Variants in BARX1 observed in about 807,000 individuals in gnomAD.
The protein encoded by BARX1 is BARX homeobox 1, also known as homeobox protein BarH-like 1.
Under a neutral mutation model 19.6 loss-of-function variants are expected in BARX1, and 10 were observed. That is an observed-to-expected ratio of 0.51 (90% CI 0.31 to 0.86). The LOEUF (loss-of-function observed/expected upper bound fraction) is 0.86, where lower values mean the gene tolerates loss of function less well. Among genes scored for constraint, BARX1 ranks in the 40% least tolerant of loss-of-function variants. The probability of loss-of-function intolerance (pLI) is 0.04; values close to 1 mark genes in which losing one functional copy is unlikely to be tolerated. For synonymous variants in BARX1, 177 were observed against 170.0 expected (o/e 1.04, Z -0.32); for missense variants, 309 against 360.4 (o/e 0.86, Z 1.15).
chr9:93,952,078 C>G lies in BARX1; in HGVS notation c.*86G>C. The G allele has an allele frequency of 6.7e-7, 1 of 1,487,516 alleles. No individual in the cohort carries two copies. The highest frequency in any genetic ancestry group is 9.0e-7 in the Non-Finnish European group (1 of 1,110,918). 92.1% of individuals were successfully genotyped at this position (1,487,516 alleles called of 1,614,324 possible). On this transcript the variant is annotated 3_prime_UTR_variant, in exon 4 of 4. Coordinates refer to ENST00000253968, the MANE Select transcript of BARX1 (RefSeq NM_021570.4). ...AGGCTTAGGAAGTAAACTTCTTGGA[C>G]GCGGAAGGGCCGGCTCGCGGGTTTC...
Position 93,954,911 on chromosome 9 carries a change from CCG to C in BARX1, c.223+11_223+12del. 1 of 1,305,920 alleles carries C rather than the reference CCG, an allele frequency of 7.7e-7. No homozygotes were observed. The allele number at this position is 1,305,920 out of a possible 1,614,324, so 80.9% of individuals were successfully genotyped here. ...CCAAGCCCGGCCCGCGACCCCGCGG[CCG>C]CCACACGTACCCAGGTGGCTGTGGA... is the stretch of plus-strand genomic sequence containing the variant. On this transcript the variant is annotated intron_variant, in intron 1 of 3. Coordinates refer to ENST00000253968, the MANE Select transcript of BARX1 (RefSeq NM_021570.4).
rs531602020 is a variant in BARX1, at chr9:93,953,092, C to A, written c.319G>T (p.Gly107Trp). The change falls in exon 2 of 4, where the codon GGG becomes TGG. Residue 107 changes from glycine to tryptophan, a missense_variant. Gly to Trp is a radical substitution (Grantham distance 184, BLOSUM62 -2). Coordinates refer to ENST00000253968, the MANE Select transcript of BARX1 (RefSeq NM_021570.4). ...GGCGCACCCGCGGCGCCGGGCAGCCCGGGCCCTGCCGCCAGCAACGCAGAG... is the reference window on the plus strand; with the variant it reads ...GGCGCACCCGCGGCGCCGGGCAGCCAGGGCCCTGCCGCCAGCAACGCAGAG... ...LSSALLAAGP[G>W]LPGAAGAPHL... 440 of 1,555,150 alleles carry A rather than the reference C, an allele frequency of 2.8e-4. 5 individuals are homozygous for A. In the South Asian group the frequency reaches 4.4e-3, roughly 16 times the overall value.
At chr9:93,953,328 GC>G (rs1477795200) in intron 1 of BARX1, 141 bp from the exon 2 acceptor site, 11 of 1,001,936 alleles carry the variant, frequency 1.1e-5, no homozygotes, top group Middle Eastern at 3.2e-4. Context: ...GCCGGTCGGC[GC>G]CGGTGGCGCA....
In BARX1 at chr9:93,952,865, G is replaced by A. The variant is rs1455625292; in HGVS notation, c.515+31C>T. On this transcript the variant is annotated intron_variant, in intron 2 of 3. Coordinates refer to ENST00000253968, the MANE Select transcript of BARX1 (RefSeq NM_021570.4). ...CAAGGCAAGTGACCACACTCCCACA[G>A]CCCGCTGGCCCCAGCCTTGTACCGC... The A allele has an allele frequency of 3.1e-6, 5 of 1,612,448 alleles. No individual in the cohort carries two copies. The South Asian group carries it at 4.4e-5, about 14-fold the overall frequency.
In BARX1 at chr9:93,954,847, G is replaced by A. The variant is rs1804454221; in HGVS notation, c.223+77C>T. 3.7e-6 allele frequency: 4 copies of A among 1,068,358 alleles called. No individual in the cohort carries two copies. In the African/African-American group the frequency reaches 6.7e-5, roughly 18 times the overall value. The allele number at this position is 1,068,358 out of a possible 1,614,324, so 66.2% of individuals were successfully genotyped here. On this transcript the variant is annotated intron_variant, in intron 1 of 3. Coordinates refer to ENST00000253968, the MANE Select transcript of BARX1 (RefSeq NM_021570.4). Reference sequence around the variant, plus strand: ...CCGGGGCTGCTTCGATGCCGGAGGAGGCTCGGGGCGCCCCCGCGGTTCAGC... The same window carrying A: ...CCGGGGCTGCTTCGATGCCGGAGGAAGCTCGGGGCGCCCCCGCGGTTCAGC...
intron 1 of BARX1, chr9:93,953,434 C>T (rs1294441369): frequency 4.2e-6 from 2 of 470,740 alleles, no homozygotes; most frequent in Non-Finnish European, 7.4e-6. Context: ...CCCCAGGCCT[C>T]AGCTGCCTCT....
chr9:93,954,596 C>T (rs1349568787), intron 1 of BARX1, among the ~76,000 whole-genome samples: 1 of 152,246 alleles, frequency 6.6e-6, no homozygotes, highest in African/African-American at 2.4e-5. Flanking sequence ...GTCGCTTCCA[C>T]CCACGAGAGT....
In BARX1 at chr9:93,951,872, C is replaced by A; in HGVS notation, c.*292G>T. 2.6e-6 allele frequency: 1 copy of A among 391,716 alleles called. No homozygotes were observed. Among genetic ancestry groups the A allele is most frequent in the Non-Finnish European group, 4.7e-6 (1 of 214,796 alleles). The allele number at this position is 391,716 out of a possible 1,614,324, so 24.3% of individuals were successfully genotyped here. A position where few individuals can be genotyped will look rare whatever the true frequency, so the allele number is the denominator to read the frequency against. On this transcript the variant is annotated 3_prime_UTR_variant, in exon 4 of 4. Coordinates refer to ENST00000253968, the MANE Select transcript of BARX1 (RefSeq NM_021570.4). ...GTGGGGGTGCAGGCGAGGAGCGGGG[C>A]GTGAATACGCGTGGAGCGCTCTGCG...
intron 3 of BARX1, 28 bp from the exon 4 acceptor site, chr9:93,952,356 T>C: frequency 6.3e-7 from 1 of 1,597,778 alleles, no homozygotes; most frequent in South Asian, 1.1e-5. Flanking sequence ...AGCACCTGGG[T>C]GAGCCAGCAC....
In BARX1 at chr9:93,953,004, C is replaced by G; in HGVS notation, c.407G>C (p.Gly136Ala). ...KLEAAGPGEP[G>A]TKAKKGRRSR... is the part of the protein sequence containing the mutation. ...CCGACGCCCCTTCTTGGCTTTGGTGCCTGGCTCCCCAGGGCCTGCCGCCTC... is the reference window on the plus strand; with the variant it reads ...CCGACGCCCCTTCTTGGCTTTGGTGGCTGGCTCCCCAGGGCCTGCCGCCTC... The change falls in exon 2 of 4, where the codon GGC (glycine) becomes GCC (alanine). Residue 136 changes from glycine to alanine, a missense_variant. By Grantham distance (60) the Gly-to-Ala change is moderately conservative. Around this residue, in one of 3 missense-constraint regions of BARX1, gnomAD observed 204 missense variants for 206.8 expected, o/e 0.99. Coordinates refer to ENST00000253968, the MANE Select transcript of BARX1 (RefSeq NM_021570.4). 6.4e-7 allele frequency: 1 copy of G among 1,573,022 alleles called. No individual in the cohort carries two copies. Among genetic ancestry groups the G allele is most frequent in the Non-Finnish European group, 8.6e-7 (1 of 1,159,762 alleles).
chr9:93,952,345 C>G lies in BARX1; in HGVS notation c.601-17G>C. On this transcript the variant is annotated splice_polypyrimidine_tract_variant and intron_variant, in intron 3 of 3. Coordinates refer to ENST00000253968, the MANE Select transcript of BARX1 (RefSeq NM_021570.4). ...CTGCAGCACCTGCACGGGGGACCGC[C>G]AGCACCTGGGTGAGCCAGCACGTGG... The G allele has an allele frequency of 1.2e-6, 2 of 1,602,104 alleles. No homozygotes were observed. The highest frequency in any genetic ancestry group is 1.7e-6 in the Non-Finnish European group (2 of 1,178,506).
chr9:93,953,419 G>A, intron 1 of BARX1: 1 of 511,824 alleles, frequency 2.0e-6, no homozygotes, highest in Middle Eastern at 4.9e-4. Context: ...TTCTGTCCTG[G>A]AGTTCCCCAG....
Position 93,952,302 on chromosome 9 carries a change from A to C in BARX1, c.627T>G (p.Ser209=). The change falls in exon 4 of 4, where the codon TCT becomes TCG. Residue 209 remains serine, a synonymous_variant. Transcript: ENST00000253968. ...TGGGCCGCCCCTTGGGCTTGGTGGG[A>C]GACTCCAGGCCGCCGCCCTGCAGCA... ...KIVLQGGGLE[S]PTKPKGRPKK... The C allele has an allele frequency of 1.2e-6, 2 of 1,610,580 alleles. No homozygotes were observed. The highest frequency in any genetic ancestry group is 1.3e-5 in the African/African-American group (1 of 75,040).
chr9:93,952,372 C>T (rs1195698517), intron 3 of BARX1, 44 bp from the exon 4 acceptor site: 1 of 1,584,766 alleles, frequency 6.3e-7, no homozygotes, highest in East Asian at 2.3e-5. Flanking sequence ...AGCACGTGGA[C>T]TGGGGACCCC....
intron 2 of BARX1, 23 bp downstream of exon 2, chr9:93,952,873 G>A: frequency 1.9e-6 from 3 of 1,611,300 alleles, no homozygotes; most frequent in Non-Finnish European, 1.7e-6. Flanking sequence ...CAGCCCGCTG[G>A]CCCCAGCCTT....
At position 93,955,192 on chromosome 9, in the gene BARX1, A is replaced by C; in HGVS notation, c.-46T>G. ...CCGCGGTTTGGCGGCGGCGGCGGCG[A>C]CGGCTTGGCTCCGGCGCGGGGCCCG... On this transcript the variant is annotated 5_prime_UTR_variant, in exon 1 of 4. Coordinates refer to ENST00000253968, the MANE Select transcript of BARX1 (RefSeq NM_021570.4). The surrounding 1 kb of genome is among the most constrained non-coding windows in gnomAD (Gnocchi z 4.4). The C allele has an allele frequency of 4.5e-6, 4 of 896,502 alleles. No homozygotes were observed. The highest frequency in any genetic ancestry group is 5.3e-6 in the Non-Finnish European group (4 of 751,646). The allele number at this position is 896,502 out of a possible 1,614,324, so 55.5% of individuals were successfully genotyped here. A position where few individuals can be genotyped will look rare whatever the true frequency, so the allele number is the denominator to read the frequency against.
At chr9:93,953,836 G>C (rs1258921798) in intron 1 of BARX1, among the ~76,000 whole-genome samples, 1 of 152,280 alleles carries the variant, frequency 6.6e-6, no homozygotes, top group Non-Finnish European at 1.5e-5. Flanking sequence ...TAGCAACAGA[G>C]CAGATGGAGA....
At chr9:93,952,460 T>C in intron 3 of BARX1, 132 bp from the exon 4 acceptor site, 1 of 1,348,208 alleles carries the variant, frequency 7.4e-7, no homozygotes, top group South Asian at 1.5e-5. Flanking sequence ...TCCCGGGAAA[T>C]GGCGGCCATT....
At position 93,952,806 on chromosome 9, in the gene BARX1, G is replaced by T. The variant is rs1231334745; in HGVS notation, c.523C>A (p.Leu175Ile). 6.2e-7 allele frequency: 1 copy of T among 1,614,030 alleles called. No individual in the cohort carries two copies. The highest frequency in any genetic ancestry group is 8.5e-7 in the Non-Finnish European group (1 of 1,180,046). ...TGGCTCAGGCCCAGGGACTCAGCAA[G>T]ATCTATTCTGGAAAGAGCAGGGCGC... ...KYLSTPDRID[L>I]AESLGLSQLQ... The change falls in exon 3 of 4, where the codon CTT becomes ATT. Residue 175 changes from leucine to isoleucine, a missense_variant. By Grantham distance (5) the Leu-to-Ile change is conservative. This residue lies in a region of BARX1 where 34 missense variants were observed against 73.2 expected (regional missense o/e 0.46). Transcript: ENST00000253968.
Sources: allele counts gnomAD v4.1 joint callset (sites outside exome capture counted in the v4.1 genomes callset), GRCh38; gene constraint gnomAD v4.1.1; regional missense constraint gnomAD v4.1.1; non-coding constraint Gnocchi (gnomAD v3.1); transcripts MANE v1.5; gene names NCBI Gene and HGNC (gene_info 2026-07-23, HGNC 2026-07-21).